SPCS1: variants seen among roughly 807,000 people sequenced by gnomAD.
The protein encoded by SPCS1 is signal peptidase complex subunit 1, also known as SPase 12 kDa subunit.
In SPCS1, 10 loss-of-function variants were observed where a neutral mutation model predicts 16.4. That is an observed-to-expected ratio of 0.61 (90% confidence interval 0.38 to 1.03). The LOEUF (loss-of-function observed/expected upper bound fraction) is 1.03, where lower values mean the gene tolerates loss of function less well. Ranked by LOEUF, SPCS1 falls within the 50% of genes least tolerant of loss-of-function variation. The pLI is 0.01. For missense variants in SPCS1, 118 were observed against 123.8 expected, an observed-to-expected ratio of 0.95 and a Z score of 0.22; for synonymous variants, 47 against 42.5, an observed-to-expected ratio of 1.10 and a Z score of -0.41.
rs1276259944 is a variant in SPCS1, at chr3:52,709,289, G to GTCT, written c.*1479_*1481dup. 3.9e-5 allele frequency: 6 copies of GTCT among 151,986 alleles called. No homozygotes were observed. Among genetic ancestry groups the GTCT allele is most frequent in the African/African-American group, 1.5e-4 (6 of 41,350 alleles). 9.4% of individuals were successfully genotyped at this position (151,986 alleles called of 1,614,324 possible). A position where few individuals can be genotyped will look rare whatever the true frequency, so the allele number is the denominator to read the frequency against. The stretch of plus-strand genomic sequence containing the variant: ...AGGTATATTCGGAAGAAAATTCACA[G>GTCT]TCTTAAAGATGAGTTTTTAAATTAA... On this transcript the variant is annotated 3_prime_UTR_variant, in exon 4 of 4. Coordinates refer to ENST00000619898, the MANE Select transcript of SPCS1 (RefSeq NM_014041.5).
Position 52,706,789 on chromosome 3 carries a change from C to T in SPCS1, c.97-4C>T, listed in dbSNP as rs760606282. 4 of 1,613,402 alleles carry T rather than the reference C, an allele frequency of 2.5e-6. No individual in the cohort carries two copies. The Admixed American group carries it at 5.0e-5, about 20-fold the overall frequency. On this transcript the variant is annotated splice_region_variant and splice_polypyrimidine_tract_variant and intron_variant, in intron 2 of 3. Transcript: ENST00000619898. ...TGTGTTTAATATACTTCATTTGTCT[C>T]TAGATAGTTGGATTTATCTACGGGT... is the stretch of plus-strand genomic sequence containing the variant.
At position 52,707,736 on chromosome 3, in the gene SPCS1, T is replaced by C. The variant is rs771717218; in HGVS notation, c.233T>C (p.Leu78Ser). 6 of 1,613,994 alleles carry C rather than the reference T, an allele frequency of 3.7e-6. No individual in the cohort carries two copies. Among genetic ancestry groups the C allele is most frequent in the Admixed American group, 3.3e-5 (2 of 59,988 alleles). Reference protein sequence around the residue: ...PIYRRHPLKWLPVQESSTDDK... With the variant: ...PIYRRHPLKWSPVQESSTDDK... ...TATCGCCGGCATCCTCTCAAGTGGTTACCTGTTCAAGAATCAAGCACAGAC... is the reference window on the plus strand; with the variant it reads ...TATCGCCGGCATCCTCTCAAGTGGTCACCTGTTCAAGAATCAAGCACAGAC... The change falls in exon 4 of 4, where the codon TTA becomes TCA. Residue 78 changes from leucine (L) to serine (S), a missense_variant. Physicochemically the swap from Leu to Ser is moderately radical, Grantham distance 145. Coordinates refer to ENST00000619898, the MANE Select transcript of SPCS1 (RefSeq NM_014041.5).
In SPCS1 at chr3:52,707,701, A is replaced by C. The variant is rs754676127; in HGVS notation, c.198A>C (p.Pro66=). ...FAFSCLLTLP[P]WPIYRRHPLK... ...TTCTGGCCCAGCTGACACTTCCTCC[A>C]TGGCCCATCTATCGCCGGCATCCTC... Residue 66 remains proline (P), a synonymous_variant, in exon 4 of 4, where the codon CCA becomes CCC. Transcript: ENST00000619898. 21 of 1,614,008 alleles carry C rather than the reference A, an allele frequency of 1.3e-5. No individual in the cohort carries two copies. Among genetic ancestry groups the C allele is most frequent in the Non-Finnish European group, 1.7e-5 (20 of 1,179,984 alleles).
intron 1 of SPCS1, 92 bp downstream of exon 1, chr3:52,706,374 TC>T: frequency 1.5e-6 from 2 of 1,378,856 alleles, no homozygotes; most frequent in East Asian, 4.8e-5. Context: ...GCTGCGCTGT[TC>T]CGGGCCCGGA....
In SPCS1 at chr3:52,710,378, AATTG is replaced by A. The variant is rs1304326239; in HGVS notation, c.*2567_*2570del. The A allele has an allele frequency of 1.3e-5, 2 of 151,560 alleles. No individual in the cohort carries two copies. The highest frequency in any genetic ancestry group is 6.6e-5 in the Admixed American group (1 of 15,158). The allele number at this position is 151,560 out of a possible 1,614,324, so 9.4% of individuals were successfully genotyped here. On this transcript the variant is annotated 3_prime_UTR_variant, in exon 4 of 4. Coordinates refer to ENST00000619898, the MANE Select transcript of SPCS1 (RefSeq NM_014041.5). ...AGACTGTGTCTTAAAAAAAAAAAAAAATTGTTAAGTGGCTGTAAAGGGAACATTT... is the reference window on the plus strand; with the variant it reads ...AGACTGTGTCTTAAAAAAAAAAAAAATTAAGTGGCTGTAAAGGGAACATTT...
chr3:52,708,248 TC>T lies in SPCS1; in HGVS notation c.*437del, dbSNP rs1427502287. The T allele has an allele frequency of 1.8e-4, 28 of 155,800 alleles. No individual in the cohort carries two copies. Among genetic ancestry groups the T allele is most frequent in the African/African-American group, 6.5e-4 (27 of 41,564 alleles). The allele number at this position is 155,800 out of a possible 1,614,324, so 9.7% of individuals were successfully genotyped here. ...AAAGCCTAAGTTAGAAGTTCGTGCT[TC>T]TGGCCAGGTGCAGTGGCTCTCACCT... is the stretch of plus-strand genomic sequence containing the variant. On this transcript the variant is annotated 3_prime_UTR_variant, in exon 4 of 4. Coordinates refer to ENST00000619898, the MANE Select transcript of SPCS1 (RefSeq NM_014041.5).
rs536965459 is a variant in SPCS1 at position 52,707,537 on chromosome 3, G to A, written c.184-150G>A. ...CATCATACAGTATTTTGCATGGATGGTGGCACAGAGCCTTTATAGGAATAT... is the reference window on the plus strand; with the variant it reads ...CATCATACAGTATTTTGCATGGATGATGGCACAGAGCCTTTATAGGAATAT... On this transcript the variant is annotated intron_variant, in intron 3 of 3. Transcript: ENST00000619898. The A allele has an allele frequency of 4.8e-5, 35 of 736,586 alleles. No individual in the cohort carries two copies. In the South Asian group the frequency reaches 5.9e-4, roughly 12 times the overall value. 45.6% of individuals were successfully genotyped at this position (736,586 alleles called of 1,614,324 possible).
intron 3 of SPCS1, 27 bp from the exon 4 acceptor site, chr3:52,707,660 T>G: frequency 6.2e-7 from 1 of 1,607,994 alleles, no homozygotes; most frequent in Non-Finnish European, 8.5e-7. Flanking sequence ...TAGCTATAAT[T>G]TATGCATTTC....
At position 52,708,554 on chromosome 3, in the gene SPCS1, G is replaced by A. The variant is rs1390734192; in HGVS notation, c.*742G>A. Reference sequence around the variant, plus strand: ...AATATAAAACTCTAAAACTAGCCATGATTCAAAGGTTCAATAGCTATATGT... The same window carrying A: ...AATATAAAACTCTAAAACTAGCCATAATTCAAAGGTTCAATAGCTATATGT... On this transcript the variant is annotated 3_prime_UTR_variant, in exon 4 of 4. Transcript: ENST00000619898. 6.6e-6 allele frequency: 1 copy of A among 152,160 alleles called. No homozygotes were observed. The highest frequency in any genetic ancestry group is 2.4e-5 in the African/African-American group (1 of 41,440). 9.4% of individuals were successfully genotyped at this position (152,160 alleles called of 1,614,324 possible).
At chr3:52,707,627 G>A in intron 3 of SPCS1, 60 bp from the exon 4 acceptor site, 3 of 1,561,220 alleles carry the variant, frequency 1.9e-6, no homozygotes, top group Non-Finnish European at 2.6e-6. Flanking sequence ...GGCATTATAC[G>A]TAATGATTTT....
At chr3:52,706,600 C>G in intron 1 of SPCS1, 44 bp from the exon 2 acceptor site, 1 of 1,581,494 alleles carries the variant, frequency 6.3e-7, no homozygotes, top group Non-Finnish European at 8.7e-7. Context: ...ATTGTATGTT[C>G]TCGGCGGTGG....
intron 1 of SPCS1, 155 bp from the exon 2 acceptor site, chr3:52,706,489 C>T: frequency 2.3e-6 from 2 of 853,254 alleles, no homozygotes; most frequent in Non-Finnish European, 3.6e-6. Flanking sequence ...TCAGTTCCTC[C>T]CGGGAAGCCC....
chr3:52,706,442 C>T (rs1055230720), intron 1 of SPCS1, 160 bp downstream of exon 1: 6 of 855,246 alleles, frequency 7.0e-6, no homozygotes, highest in South Asian at 3.5e-5. Context: ...CTCTTCTACT[C>T]CGCGAGAATC....
rs1363811099 is a variant in SPCS1, at chr3:52,710,051, A to C, written c.*2239A>C. ...GCTCCTGGCAGAGAACCTGGCACAC[A>C]GTAAACTCTAAATAAAAATCTGTTA... On this transcript the variant is annotated 3_prime_UTR_variant, in exon 4 of 4. Coordinates refer to ENST00000619898, the MANE Select transcript of SPCS1 (RefSeq NM_014041.5). 6.6e-6 allele frequency: 1 copy of C among 152,254 alleles called. No individual in the cohort carries two copies. The highest frequency in any genetic ancestry group is 6.5e-5 in the Admixed American group (1 of 15,268). 9.4% of individuals were successfully genotyped at this position (152,254 alleles called of 1,614,324 possible). A position where few individuals can be genotyped will look rare whatever the true frequency, so the allele number is the denominator to read the frequency against.
At position 52,706,934 on chromosome 3, in the gene SPCS1, T is replaced by C. The variant is rs554798910; in HGVS notation, c.183+55T>C. On this transcript the variant is annotated intron_variant, in intron 3 of 3. Coordinates refer to ENST00000619898, the MANE Select transcript of SPCS1 (RefSeq NM_014041.5). ...TTGGGTTTTGTGAGTCGGGTTGGTT[T>C]GGTTAGACCTACTCAGTAGTGAGAC... 7.9e-6 allele frequency: 10 copies of C among 1,266,032 alleles called. No individual in the cohort carries two copies. In the African/African-American group the frequency reaches 1.5e-4, roughly 19 times the overall value. The allele number at this position is 1,266,032 out of a possible 1,614,324, so 78.4% of individuals were successfully genotyped here.
rs952083696 is a variant in SPCS1, at chr3:52,709,809, A to G, written c.*1997A>G. ...AATTAAGTAAAACTGATGACTCTCC[A>G]GAACGATGTGGATTTCCAAAACATG... On this transcript the variant is annotated 3_prime_UTR_variant, in exon 4 of 4. Transcript: ENST00000619898. 6.6e-6 allele frequency: 1 copy of G among 152,086 alleles called. No individual in the cohort carries two copies. Among genetic ancestry groups the G allele is most frequent in the Non-Finnish European group, 1.5e-5 (1 of 68,026 alleles). The allele number at this position is 152,086 out of a possible 1,614,324, so 9.4% of individuals were successfully genotyped here.
intron 3 of SPCS1, 30 bp downstream of exon 3, chr3:52,706,909 T>C (rs1012621124): frequency 5.8e-6 from 9 of 1,559,134 alleles, no homozygotes; most frequent in Admixed American, 1.7e-5. Context: ...TAGTGGCAGC[T>C]TGGGTTTTGT....
In SPCS1 at chr3:52,706,216, C is replaced by T. The variant is rs781501431; in HGVS notation, c.-31C>T. 4 of 1,577,474 alleles carry T rather than the reference C, an allele frequency of 2.5e-6. No homozygotes were observed. The East Asian group carries it at 9.2e-5, about 36-fold the overall frequency. On this transcript the variant is annotated 5_prime_UTR_variant, in exon 1 of 4. Coordinates refer to ENST00000619898, the MANE Select transcript of SPCS1 (RefSeq NM_014041.5). ...CGCCCTCGCCTCGCAGCCTGCCACCCGCGCTCAGCTGCCCGCCTCCTCAGC... is the reference window on the plus strand; with the variant it reads ...CGCCCTCGCCTCGCAGCCTGCCACCTGCGCTCAGCTGCCCGCCTCCTCAGC...
At position 52,708,063 on chromosome 3, in the gene SPCS1, T is replaced by G. The variant is rs2097346442; in HGVS notation, c.*251T>G. 3.2e-6 allele frequency: 1 copy of G among 316,068 alleles called. No homozygotes were observed. The highest frequency in any genetic ancestry group is 2.1e-5 in the African/African-American group (1 of 47,658). 19.6% of individuals were successfully genotyped at this position (316,068 alleles called of 1,614,324 possible). On this transcript the variant is annotated 3_prime_UTR_variant, in exon 4 of 4. Transcript: ENST00000619898. ...TGAAGTTTCTTTCAGGTGTAAATAA[T>G]GAAAAATAAATGCCTCATAAATGAT...
Sources: allele counts gnomAD v4.1 joint callset, GRCh38; gene constraint gnomAD v4.1.1; transcripts MANE v1.5; gene names NCBI Gene and HGNC (gene_info 2026-07-23, HGNC 2026-07-21).